Variants in MFNG observed in about 807,000 individuals in gnomAD.
The protein encoded by MFNG is MFNG O-fucosylpeptide 3-beta-N-acetylglucosaminyltransferase, also known as beta-1,3-N-acetylglucosaminyltransferase manic fringe.
MFNG carries 24 observed loss-of-function variants against 34.2 expected under a neutral mutation model. The ratio of observed to expected loss-of-function variants is 0.70; its 90% confidence interval spans 0.51 to 0.99. The LOEUF (loss-of-function observed/expected upper bound fraction) is 0.99. Ranked by LOEUF, MFNG falls within the 50% of genes least tolerant of loss-of-function variation. MFNG has a pLI of 0.00. For missense variants in MFNG, 383 were observed against 424.0 expected (o/e 0.90, Z 0.85); for synonymous variants, 158 against 179.2 (o/e 0.88, Z 0.94).
Position 37,482,843 on chromosome 22 carries a change from G to A in MFNG, c.256-2074C>T, listed in dbSNP as rs555558133. On this transcript the variant is annotated intron_variant, in intron 1 of 7. Coordinates refer to ENST00000356998, the MANE Select transcript of MFNG (RefSeq NM_002405.4). The surrounding 1 kb of genome is among the most constrained non-coding windows in gnomAD (Gnocchi z 4.1). ...TCTGTCTCCCACCGTCAGATTTAGC[G>A]AATGCTGGAGGTCTCTGGATTTCCG... Among the ~76,000 whole-genome samples the A allele has an allele frequency of 3.3e-5, 5 of 152,258 alleles. No homozygotes were observed. The highest frequency in any genetic ancestry group is 2.1e-4 in the South Asian group (1 of 4,828).
chr22:37,474,383 T>C, intron 6 of MFNG, 129 bp downstream of exon 6: 1 of 1,114,840 alleles, frequency 9.0e-7, no homozygotes, highest in South Asian at 1.6e-5. Context: ...TCCCCATCAA[T>C]AGGGAATACC....
Position 37,474,657 on chromosome 22 carries a change from G to T in MFNG, c.668C>A (p.Thr223Lys). The stretch of plus-strand genomic sequence containing the variant: ...ATCAGGCAGCCGGATGAGAGCAGAT[G>T]TGTCCATGAAACGGGAGCCACTGAG... ...PWASGSRFMD[T>K]SALIRLPDDC... The change falls in exon 6 of 8, where the codon ACA (threonine) becomes AAA (lysine). Residue 223 changes from threonine to lysine, a missense_variant. By Grantham distance (78) the Thr-to-Lys change is moderately conservative. Coordinates refer to ENST00000356998, the MANE Select transcript of MFNG (RefSeq NM_002405.4). The T allele has an allele frequency of 6.2e-7, 1 of 1,608,380 alleles. No homozygotes were observed.
chr22:37,475,498 ACAGGCATGAGCCAC>A (rs1921997686), intron 5 of MFNG, among the ~76,000 whole-genome samples: 1 of 152,216 alleles, frequency 6.6e-6, no homozygotes, highest in African/African-American at 2.4e-5. Flanking sequence ...TGCTGGGATT[ACAGGCATGAGCCAC>A]CTAAACAGAG....
chr22:37,484,671 C>T (rs774036222), intron 1 of MFNG: 2 of 152,318 alleles, frequency 1.3e-5, no homozygotes, highest in Non-Finnish European at 2.9e-5. Flanking sequence ...GGTACACAGA[C>T]GCATAAACAG....
chr22:37,471,509 C>T (rs559227970), intron 7 of MFNG, among the ~76,000 whole-genome samples: 1 of 152,142 alleles, frequency 6.6e-6, no homozygotes, highest in Non-Finnish European at 1.5e-5. Context: ...CTCTCCACCC[C>T]CATCCCGCCA....
chr22:37,477,419 G>T (rs1354037961), intron 4 of MFNG, among the ~76,000 whole-genome samples: 3 of 152,122 alleles, frequency 2.0e-5, no homozygotes, highest in Non-Finnish European at 2.9e-5. Flanking sequence ...GGAAACAAAG[G>T]TCAGGCTGTG....
Position 37,485,868 on chromosome 22 carries a change from G to A in MFNG, c.255+55C>T, listed in dbSNP as rs1394947816. The A allele has an allele frequency of 6.4e-7, 1 of 1,557,884 alleles. No homozygotes were observed. The highest frequency in any genetic ancestry group is 2.3e-5 in the East Asian group (1 of 44,080). On this transcript the variant is annotated intron_variant, in intron 1 of 7. Transcript: ENST00000356998. The surrounding 1 kb of genome is among the most constrained non-coding windows in gnomAD (Gnocchi z 5.3). ...ACCCCAGCCCAGTAGAAAGGCCTCT[G>A]AGAACCCCTTAGGCCAGGGGCCACC...
intron 4 of MFNG, among the ~76,000 whole-genome samples, chr22:37,478,083 TG>T (rs1922122203): frequency 6.6e-6 from 1 of 152,190 alleles, no homozygotes; most frequent in Non-Finnish European, 1.5e-5. Flanking sequence ...CTGGCTCCCC[TG>T]GAATCACTCA....
chr22:37,476,898 G>A lies in MFNG; in HGVS notation c.645C>T (p.Ala215=), dbSNP rs1159447811. The part of the protein sequence containing the change: ...RKLALKMAPW[A]SGSRFMDTSA... ...CCCACCCCTGGGTCTCTGCTTACCT[G>A]GCCCACGGAGCCATCTTCAAAGCCA... is the stretch of plus-strand genomic sequence containing the variant. Residue 215 remains alanine (A), a splice_region_variant and synonymous_variant, in exon 5 of 8, where the codon GCC becomes GCT. Coordinates refer to ENST00000356998, the MANE Select transcript of MFNG (RefSeq NM_002405.4). 12 of 1,610,914 alleles carry A rather than the reference G, an allele frequency of 7.4e-6. No homozygotes were observed. Among genetic ancestry groups the A allele is most frequent in the Admixed American group, 1.7e-5 (1 of 59,914 alleles).
Position 37,483,456 on chromosome 22 carries a change from T to C in MFNG, c.255+2467A>G, listed in dbSNP as rs1211616357. On this transcript the variant is annotated intron_variant, in intron 1 of 7. Coordinates refer to ENST00000356998, the MANE Select transcript of MFNG (RefSeq NM_002405.4). The surrounding 1 kb of genome is among the most constrained non-coding windows in gnomAD (Gnocchi z 4.5). The stretch of plus-strand genomic sequence containing the variant: ...ACCCGATAGTGAAACACTCTCAAGC[T>C]TGGAGCATGGGCCAAATGGGCTGAG... Among the ~76,000 whole-genome samples, 1 of 150,936 alleles carries C rather than the reference T, an allele frequency of 6.6e-6. No homozygotes were observed. Among genetic ancestry groups the C allele is most frequent in the East Asian group, 1.9e-4 (1 of 5,164 alleles).
Position 37,485,564 on chromosome 22 carries a change from C to G in MFNG, c.255+359G>C, listed in dbSNP as rs1028621760. 3.3e-5 allele frequency among the ~76,000 whole-genome samples: 5 copies of G among 152,318 alleles called. No individual in the cohort carries two copies. Among genetic ancestry groups the G allele is most frequent in the Admixed American group, 3.3e-4 (5 of 15,306 alleles). ...CCCAGCTGCCCAACACCCACCATTA[C>G]CCCTGATGCCAGGCTGGGCCTGGGT... On this transcript the variant is annotated intron_variant, in intron 1 of 7. Coordinates refer to ENST00000356998, the MANE Select transcript of MFNG (RefSeq NM_002405.4). This position sits in a 1 kb window ranked among gnomAD's most constrained non-coding sequence, Gnocchi z 5.3.
At chr22:37,484,961 G>A (rs909939619) in intron 1 of MFNG, among the ~76,000 whole-genome samples, 6 of 149,438 alleles carry the variant, frequency 4.0e-5, no homozygotes, top group Admixed American at 4.0e-4. Flanking sequence ...AGCCGCCAAA[G>A]AGGGGACCGA....
intron 4 of MFNG, among the ~76,000 whole-genome samples, chr22:37,478,952 T>C (rs1299094725): frequency 6.6e-6 from 1 of 152,172 alleles, no homozygotes. Flanking sequence ...GTGCTGGGAT[T>C]ACAGGCATGA....
At chr22:37,479,595 G>C (rs1922199484) in intron 3 of MFNG, 97 bp from the exon 4 acceptor site, 1 of 1,480,012 alleles carries the variant, frequency 6.8e-7, no homozygotes, top group Non-Finnish European at 9.3e-7. Flanking sequence ...CGGAATGGGG[G>C]TAGGGGTGGG....
chr22:37,478,924 CCA>C (rs1157878345), intron 4 of MFNG, among the ~76,000 whole-genome samples: 1 of 152,136 alleles, frequency 6.6e-6, no homozygotes. Flanking sequence ...GGTCACCCAC[CCA>C]CCTCAGCCTC....
chr22:37,481,630 C>G (rs1249096039), intron 1 of MFNG, among the ~76,000 whole-genome samples: 2 of 152,190 alleles, frequency 1.3e-5, no homozygotes, highest in Non-Finnish European at 2.9e-5. Flanking sequence ...CCCGGCCCAA[C>G]ATGGCAGAGC....
rs748225901 is a variant in MFNG, at chr22:37,474,509, CA to C, written c.813+2del. ...TTGCCACCTGCCCCCAAGGCCAGCT[CA>C]CCTGTTCTGGGAGCTGTGCAGTCCT... On this transcript the variant is annotated splice_donor_variant, in intron 6 of 7. Transcript: ENST00000356998. LOFTEE classifies it high-confidence loss of function. The C allele has an allele frequency of 1.1e-4, 182 of 1,613,584 alleles. No homozygotes were observed. Among genetic ancestry groups the C allele is most frequent in the Middle Eastern group, 1.7e-4 (1 of 6,050 alleles).
Position 37,469,765 on chromosome 22 carries a change from G to A in MFNG, c.*198C>T. 1 of 692,380 alleles carries A rather than the reference G, an allele frequency of 1.4e-6. No individual in the cohort carries two copies. Among genetic ancestry groups the A allele is most frequent in the East Asian group, 2.8e-5 (1 of 35,618 alleles). The allele number at this position is 692,380 out of a possible 1,614,324, so 42.9% of individuals were successfully genotyped here. On this transcript the variant is annotated 3_prime_UTR_variant, in exon 8 of 8. Coordinates refer to ENST00000356998, the MANE Select transcript of MFNG (RefSeq NM_002405.4). ...CACCACCTGGTCCACCTGGTCCCCT[G>A]GGCTGTCTAACTCACCTCCCAGGGG...
At position 37,480,230 on chromosome 22, in the gene MFNG, G is replaced by T; in HGVS notation, c.374C>A (p.Ala125Asp). ...SHPALSCKMA[A>D]EFDTFLASGL... The stretch of plus-strand genomic sequence containing the variant: ...ACTGGCCAAGAAGGTGTCGAACTCA[G>T]CAGCCATCTTGCAGGACAGAGCTGG... Residue 125 changes from alanine to aspartate, a missense_variant, in exon 3 of 8, where the codon GCT (alanine) becomes GAT (aspartate). Coordinates refer to ENST00000356998, the MANE Select transcript of MFNG (RefSeq NM_002405.4). 6.2e-7 allele frequency: 1 copy of T among 1,612,446 alleles called. No homozygotes were observed.
Sources: gnomAD v4.1 joint callset for allele counts (sites outside exome capture counted in the v4.1 genomes callset) on GRCh38, gnomAD v4.1.1 for gene constraint, Gnocchi (gnomAD v3.1) non-coding constraint, MANE v1.5 for transcripts, NCBI Gene and HGNC (gene_info 2026-07-23, HGNC 2026-07-21) for gene names.